KRT80: variants seen among roughly 807,000 people sequenced by gnomAD.
The protein encoded by KRT80 is keratin 80.
Under a neutral mutation model 51.5 loss-of-function variants are expected in KRT80, and 36 were observed. The ratio of observed to expected loss-of-function variants is 0.70; its 90% CI spans 0.54 to 0.92. KRT80 has a LOEUF of 0.92. KRT80 is among the 40% of genes least tolerant of loss of function. The pLI is 0.00. For synonymous variants in KRT80, 235 were observed against 248.3 expected (o/e 0.95, Z 0.50); for missense variants, 566 against 591.7 (o/e 0.96, Z 0.45).
intron 7 of KRT80, 125 bp from the exon 8 acceptor site, chr12:52,171,838 G>A (rs1428615810): frequency 8.6e-6 from 6 of 698,910 alleles, no homozygotes; most frequent in Admixed American, 5.2e-5. Flanking sequence ...CAGCCCTGGG[G>A]TTGCCCTGTT....
Position 52,185,588 on chromosome 12 carries a change from C to G in KRT80, c.301-1G>C. The G allele has an allele frequency of 6.2e-7, 1 of 1,606,718 alleles. No homozygotes were observed. Among genetic ancestry groups the G allele is most frequent in the Non-Finnish European group, 8.5e-7 (1 of 1,179,864 alleles). ...GGTTGCGCTGTTCCAGGGCTTGCACCTGGGAGAGCAGGAAGGCGGCGAATG... is the reference window on the plus strand; with the variant it reads ...GGTTGCGCTGTTCCAGGGCTTGCACGTGGGAGAGCAGGAAGGCGGCGAATG... On this transcript the variant is annotated splice_acceptor_variant, in intron 1 of 8. Coordinates refer to ENST00000394815, the MANE Select transcript of KRT80 (RefSeq NM_182507.3). LOFTEE classifies it high-confidence loss of function.
chr12:52,176,285 G>T (rs1328300251), intron 4 of KRT80, among the ~76,000 whole-genome samples: 2 of 152,184 alleles, frequency 1.3e-5, no homozygotes, highest in African/African-American at 4.8e-5. Context: ...TGGAGAGCAC[G>T]TGAGCCTCCA....
chr12:52,173,570 G>A, intron 5 of KRT80, 30 bp downstream of exon 5: 1 of 1,607,426 alleles, frequency 6.2e-7, no homozygotes, highest in Non-Finnish European at 8.5e-7. Context: ...TGTCCAGGCT[G>A]CTTCTCGTGC....
intron 4 of KRT80, among the ~76,000 whole-genome samples, chr12:52,178,885 A>C (rs1281595476): frequency 6.6e-6 from 1 of 152,034 alleles, no homozygotes; most frequent in East Asian, 1.9e-4. Flanking sequence ...AAAAAAAAAA[A>C]CAAGGCCAAG....
intron 4 of KRT80, among the ~76,000 whole-genome samples, chr12:52,175,971 G>A (rs975088674): frequency 1.3e-5 from 2 of 152,130 alleles, no homozygotes; most frequent in East Asian, 1.9e-4. Context: ...GTGGGTGTGG[G>A]GGGCCTCAGA....
At chr12:52,186,890 C>G (rs1941416295) in intron 1 of KRT80, among the ~76,000 whole-genome samples, 2 of 152,172 alleles carry the variant, frequency 1.3e-5, no homozygotes, top group South Asian at 2.1e-4. Context: ...CCCTCCTCCC[C>G]ACCCTGGCTG....
chr12:52,180,630 A>T, intron 3 of KRT80, 22 bp from the exon 4 acceptor site: 2 of 1,524,208 alleles, frequency 1.3e-6, no homozygotes, highest in Non-Finnish European at 1.8e-6. Flanking sequence ...AGCAGTGGTG[A>T]GTGGTGGGAG....
intron 2 of KRT80, among the ~76,000 whole-genome samples, chr12:52,181,584 G>A (rs73103488): frequency 0.071 from 10,753 of 152,256 alleles, 512 homozygotes; most frequent in South Asian, 0.15. Context: ...ATGTGCCCAC[G>A]TGTACAGGGG....
intron 5 of KRT80, 67 bp downstream of exon 5, chr12:52,173,533 T>C (rs1371231786): frequency 1.3e-6 from 2 of 1,534,664 alleles, no homozygotes; most frequent in African/African-American, 2.7e-5. Flanking sequence ...CCATCACCAG[T>C]CCAGCCCTTC....
At chr12:52,184,359 C>T (rs984948800) in intron 2 of KRT80, among the ~76,000 whole-genome samples, 1 of 152,196 alleles carries the variant, frequency 6.6e-6, no homozygotes, top group Admixed American at 6.5e-5. Flanking sequence ...GTTCCTGAAG[C>T]CCTGCCCACT....
intron 1 of KRT80, among the ~76,000 whole-genome samples, chr12:52,189,338 T>A (rs10876242): frequency 0.26 from 39,657 of 152,232 alleles, 6,338 homozygotes; most frequent in East Asian, 0.55. Flanking sequence ...GCTAACTGGG[T>A]TCTAGCTGCT....
At chr12:52,184,167 G>A (rs1941366181) in intron 2 of KRT80, among the ~76,000 whole-genome samples, 1 of 152,240 alleles carries the variant, frequency 6.6e-6, no homozygotes, top group Non-Finnish European at 1.5e-5. Flanking sequence ...TGCTCTGGAG[G>A]TTGTGGGTCT....
intron 5 of KRT80, among the ~76,000 whole-genome samples, 153 bp downstream of exon 5, chr12:52,173,447 C>A (rs928869135): frequency 1.6e-4 from 24 of 152,092 alleles, no homozygotes; most frequent in African/African-American, 5.6e-4. Flanking sequence ...GTGGTCTCCC[C>A]CCGCCCGCCC....
At chr12:52,180,216 G>A (rs1016579350) in intron 4 of KRT80, among the ~76,000 whole-genome samples, 1 of 152,180 alleles carries the variant, frequency 6.6e-6, no homozygotes, top group Non-Finnish European at 1.5e-5. Context: ...ACCCTTGTCC[G>A]AGGCACCTGG....
At chr12:52,183,096 C>G (rs556634360) in intron 2 of KRT80, among the ~76,000 whole-genome samples, 42 of 152,310 alleles carry the variant, frequency 2.8e-4, no homozygotes, top group African/African-American at 9.9e-4. Flanking sequence ...ATGTGGCATC[C>G]CTGAGTCACT....
Position 52,173,658 on chromosome 12 carries a change from T to G in KRT80, c.773A>C (p.Gln258Pro), listed in dbSNP as rs1264693353. 1 of 1,613,222 alleles carries G rather than the reference T, an allele frequency of 6.2e-7. No individual in the cohort carries two copies. Among genetic ancestry groups the G allele is most frequent in the Non-Finnish European group, 8.5e-7 (1 of 1,180,034 alleles). Residue 258 changes from glutamine to proline, a missense_variant, in exon 5 of 9, where the codon CAG (glutamine) becomes CCG (proline). Coordinates refer to ENST00000394815, the MANE Select transcript of KRT80 (RefSeq NM_182507.3). ...LSGIVEEVKAQYDAVAARSLE... is the reference protein window; with the variant it reads ...LSGIVEEVKAPYDAVAARSLE... ...GCTGCGAGCCGCGACGGCGTCATAC[T>G]GGGCCTTCACCTCCTCCACGATGCC...
chr12:52,185,627 C>T (rs145966398), intron 1 of KRT80, 40 bp from the exon 2 acceptor site: 1 of 1,589,022 alleles, frequency 6.3e-7, no homozygotes, highest in Non-Finnish European at 8.5e-7. Flanking sequence ...CAGGTGTGGA[C>T]CAGTCGGGGG....
chr12:52,172,777 C>G (rs1941132368), intron 6 of KRT80, among the ~76,000 whole-genome samples: 1 of 152,190 alleles, frequency 6.6e-6, no homozygotes, highest in Non-Finnish European at 1.5e-5. Flanking sequence ...GCAGTGGGCT[C>G]TGGGTGTGTG....
In KRT80 at chr12:52,180,627, G is replaced by T. The variant is rs755953295; in HGVS notation, c.571-19C>A. ...CCAGGTCCTGGGGTTGGCAGCAGTG[G>T]TGAGTGGTGGGAGAGGGAATGGAGG... On this transcript the variant is annotated intron_variant, in intron 3 of 8. Transcript: ENST00000394815. The T allele has an allele frequency of 6.6e-7, 1 of 1,524,648 alleles. No homozygotes were observed. The highest frequency in any genetic ancestry group is 8.8e-7 in the Non-Finnish European group (1 of 1,137,508). 94.4% of individuals were successfully genotyped at this position (1,524,648 alleles called of 1,614,324 possible).
Sources: gnomAD v4.1 joint callset for allele counts (sites outside exome capture counted in the v4.1 genomes callset) on GRCh38, gnomAD v4.1.1 for gene constraint, MANE v1.5 for transcripts, NCBI Gene and HGNC (gene_info 2026-07-23, HGNC 2026-07-21) for gene names.